Variants in CACNA1C observed in about 807,000 individuals in gnomAD.
CACNA1C encodes the protein calcium voltage-gated channel subunit alpha1 C.
A neutral mutation model predicts 229.0 loss-of-function variants in CACNA1C; 30 were observed. That is an observed-to-expected ratio of 0.13 (90% CI 0.10 to 0.18). The LOEUF is 0.18. Among genes scored for constraint, CACNA1C ranks in the 10% least tolerant of loss-of-function variants. The pLI is 1.00. For synonymous variants in CACNA1C, 1,114 were observed against 1,132.5 expected, an observed-to-expected ratio of 0.98 and a Z score of 0.33; for missense variants, 1,658 against 2,845.0, an observed-to-expected ratio of 0.58 and a Z score of 9.49.
rs994879926 is a variant in CACNA1C at position 2,141,074 on chromosome 12, C to T, written c.477+20644C>T. On this transcript the variant is annotated intron_variant, in intron 3 of 46. Transcript: ENST00000399655. ...CTGGGCAGACCTGGGGAGGAGGCTG[C>T]GGGCAGGGGACAGCAGGGCCAGGAC... is the stretch of plus-strand genomic sequence containing the variant. Among the ~76,000 whole-genome samples, 8 of 150,706 alleles carry T rather than the reference C, an allele frequency of 5.3e-5. 2 individuals are homozygous for T. Among genetic ancestry groups the T allele is most frequent in the Non-Finnish European group, 7.4e-5 (5 of 67,422 alleles).
intron 3 of CACNA1C, among the ~76,000 whole-genome samples, chr12:2,231,961 TAGA>T (rs1222066067): frequency 6.6e-6 from 1 of 152,208 alleles, no homozygotes; most frequent in Non-Finnish European, 1.5e-5. Context: ...AGGCTTAAAG[TAGA>T]AGAATAGTGT....
chr12:2,430,534 C>T (rs1309993316), intron 3 of CACNA1C, among the ~76,000 whole-genome samples: 1 of 152,032 alleles, frequency 6.6e-6, no homozygotes, highest in Non-Finnish European at 1.5e-5. Flanking sequence ...CTTGAGTTTG[C>T]TCTCCCCACC....
intron 1 of CACNA1C, among the ~76,000 whole-genome samples, chr12:2,056,748 G>A (rs1385954552): frequency 6.6e-6 from 1 of 152,162 alleles, no homozygotes; most frequent in Non-Finnish European, 1.5e-5. Context: ...CTGGAGGAAA[G>A]GGGCTATTGG....
chr12:2,621,828 A>G (rs1357392706), intron 29 of CACNA1C, among the ~76,000 whole-genome samples: 1 of 152,188 alleles, frequency 6.6e-6, no homozygotes, highest in Non-Finnish European at 1.5e-5. Context: ...ACCAGTTTAA[A>G]GTGAGAATGT....
At chr12:2,183,993 C>A (rs2154286879) in intron 3 of CACNA1C, among the ~76,000 whole-genome samples, 1 of 152,300 alleles carries the variant, frequency 6.6e-6, no homozygotes, top group Non-Finnish European at 1.5e-5. Context: ...CAGGAGAGGG[C>A]CAGCCTCTGC....
Position 2,215,512 on chromosome 12 carries a change from GCT to G in CACNA1C, c.477+95085_477+95086del, listed in dbSNP as rs1202253718. Among the ~76,000 whole-genome samples the G allele has an allele frequency of 6.6e-6, 1 of 152,164 alleles. No homozygotes were observed. Among genetic ancestry groups the G allele is most frequent in the Non-Finnish European group, 1.5e-5 (1 of 68,034 alleles). ...TCGGGGCCTGATTCCTCCAGCTCAT[GCT>G]CTGTCTTTCCTCAGAGCTCCTACCA... On this transcript the variant is annotated intron_variant, in intron 3 of 46. Coordinates refer to ENST00000399655, the MANE Select transcript of CACNA1C (RefSeq NM_000719.7). This position sits in a 1 kb window ranked among gnomAD's most constrained non-coding sequence, Gnocchi z 5.0.
At chr12:2,523,918 A>G (rs779520738) in intron 9 of CACNA1C, among the ~76,000 whole-genome samples, 1 of 152,180 alleles carries the variant, frequency 6.6e-6, no homozygotes, top group African/African-American at 2.4e-5. Flanking sequence ...CCTTCTCTGT[A>G]AACAGTGGGG....
At chr12:2,407,808 G>A (rs1327429039) in intron 3 of CACNA1C, among the ~76,000 whole-genome samples, 1 of 152,252 alleles carries the variant, frequency 6.6e-6, no homozygotes, top group African/African-American at 2.4e-5. Flanking sequence ...GTGATGTCGA[G>A]CATCTTTTCA....
chr12:2,178,643 C>T (rs2096739113), intron 3 of CACNA1C, among the ~76,000 whole-genome samples: 1 of 152,186 alleles, frequency 6.6e-6, no homozygotes, highest in African/African-American at 2.4e-5. Context: ...AGGACAGACT[C>T]TCCGACTTCC....
At chr12:2,247,045 G>C (rs2073635071) in intron 3 of CACNA1C, among the ~76,000 whole-genome samples, 1 of 152,194 alleles carries the variant, frequency 6.6e-6, no homozygotes, top group African/African-American at 2.4e-5. Flanking sequence ...TATAAAGTAA[G>C]AAAGGCTAAA....
In CACNA1C at chr12:2,053,813, A is replaced by G. The variant is rs2053254717; in HGVS notation, c.49+202A>G. On this transcript the variant is annotated intron_variant, in intron 1 of 46. Coordinates refer to ENST00000399655, the MANE Select transcript of CACNA1C (RefSeq NM_000719.7). The surrounding 1 kb of genome is among the most constrained non-coding windows in gnomAD (Gnocchi z 5.8). ...AACCGCCGCGCGAGACGGAGCGGAA[A>G]ATTCCCGCCCCTCCCCCTCCGGGCC... Among the ~76,000 whole-genome samples, 1 of 149,626 alleles carries G rather than the reference A, an allele frequency of 6.7e-6. No individual in the cohort carries two copies.
chr12:2,295,606 T>G (rs542432031), intron 3 of CACNA1C, among the ~76,000 whole-genome samples: 19 of 152,350 alleles, frequency 1.2e-4, no homozygotes, highest in Admixed American at 3.3e-4. Flanking sequence ...AAATAAATGC[T>G]AAGTAGTATT....
chr12:2,658,607 C>T (rs1490718017), intron 34 of CACNA1C, among the ~76,000 whole-genome samples: 4 of 138,856 alleles, frequency 2.9e-5, no homozygotes, highest in African/African-American at 1.1e-4. Flanking sequence ...CATTATTTTG[C>T]AGTGTACTGC....
intron 3 of CACNA1C, among the ~76,000 whole-genome samples, chr12:2,390,749 G>C (rs1261467030): frequency 6.6e-6 from 1 of 152,100 alleles, no homozygotes; most frequent in African/African-American, 2.4e-5. Context: ...GTAAAAGAGA[G>C]AGCAAGAGCT....
chr12:2,652,464 C>T (rs550714466), intron 32 of CACNA1C, among the ~76,000 whole-genome samples: 4 of 152,356 alleles, frequency 2.6e-5, no homozygotes, highest in South Asian at 4.1e-4. Context: ...GCGCAGAACC[C>T]GTGAAGGCGG....
intron 1 of CACNA1C, among the ~76,000 whole-genome samples, chr12:2,101,320 G>T (rs1473191406): frequency 6.6e-6 from 1 of 152,122 alleles, no homozygotes; most frequent in East Asian, 1.9e-4. Context: ...GAAGGGTGGT[G>T]AATGTTGGAA....
chr12:2,584,377 A>C, intron 15 of CACNA1C, 126 bp from the exon 16 acceptor site: 1 of 656,418 alleles, frequency 1.5e-6, no homozygotes, highest in South Asian at 1.7e-5. Flanking sequence ...GACTCCCTCA[A>C]ATTGCTTCCC....
intron 3 of CACNA1C, among the ~76,000 whole-genome samples, chr12:2,239,342 C>A (rs752192645): frequency 6.6e-6 from 1 of 151,670 alleles, no homozygotes; most frequent in Non-Finnish European, 1.5e-5. Flanking sequence ...CTCTCCCAGG[C>A]GGTGAGGCTT....
intron 3 of CACNA1C, among the ~76,000 whole-genome samples, chr12:2,182,964 C>T (rs139439967): frequency 1.3e-5 from 2 of 152,278 alleles, no homozygotes; most frequent in Admixed American, 1.3e-4. Context: ...CTTTCTGAGC[C>T]TCTGTTCTTC....
Sources: allele counts gnomAD v4.1 joint callset (sites outside exome capture counted in the v4.1 genomes callset), GRCh38; gene constraint gnomAD v4.1.1; non-coding constraint Gnocchi (gnomAD v3.1); transcripts MANE v1.5; gene names NCBI Gene and HGNC (gene_info 2026-07-23, HGNC 2026-07-21).